Variants in SHQ1 observed in about 807,000 individuals in gnomAD.
SHQ1 encodes the protein protein SHQ1 homolog.
Under a neutral mutation model 53.8 loss-of-function variants are expected in SHQ1, and 49 were observed. The observed-to-expected ratio is 0.91, with a 90% CI of 0.72 to 1.16. SHQ1 has a LOEUF of 1.16. SHQ1 is among the 50% of genes most tolerant of loss of function. SHQ1 has a pLI of 0.00. For synonymous variants in SHQ1, 243 were observed against 251.0 expected (o/e 0.97, Z 0.30); for missense variants, 738 against 683.1 (o/e 1.08, Z -0.90).
Position 72,844,379 on chromosome 3 carries a change from C to T in SHQ1, c.188G>A (p.Gly63Glu), listed in dbSNP as rs1272787294. 1 of 1,613,526 alleles carries T rather than the reference C, an allele frequency of 6.2e-7. No homozygotes were observed. The highest frequency in any genetic ancestry group is 1.7e-5 in the Admixed American group (1 of 59,982). Residue 63 changes from glycine (G) to glutamate (E), a missense_variant, in exon 2 of 11, where the codon GGG becomes GAG. Physicochemically the swap from Gly to Glu is moderately conservative, Grantham distance 98. Transcript: ENST00000325599. Reference protein sequence around the residue: ...GRIVENGSEQGSYDADKGIFT... With the variant: ...GRIVENGSEQESYDADKGIFT... ...AATACCTTTATCTGCATCATAGGAC[C>T]CTTGCTCACTTCCATTTTCTACAAT... is the stretch of plus-strand genomic sequence containing the variant.
At chr3:72,746,183 C>G (rs1412835672), downstream of SHQ1, among the ~76,000 whole-genome samples, 2 of 152,114 alleles carry the variant, frequency 1.3e-5, no homozygotes, top group Non-Finnish European at 2.9e-5. Flanking sequence ...TTGGAGTCCC[C>G]CCCTCGTGAG....
chr3:72,748,832 G>C (rs1475117396), downstream of SHQ1, among the ~76,000 whole-genome samples: 1 of 152,126 alleles, frequency 6.6e-6, no homozygotes, highest in Non-Finnish European at 1.5e-5. Context: ...GCTGGGTGTG[G>C]TGGAGCAAGC....
intron 10 of SHQ1, chr3:72,753,256 C>G (rs1448702000): frequency 5.1e-6 from 5 of 985,242 alleles, no homozygotes; most frequent in Non-Finnish European, 6.0e-6. Context: ...GGCTTTGAGA[C>G]AAACTGGATG....
At chr3:72,781,162 C>A (rs955004538) in intron 10 of SHQ1, among the ~76,000 whole-genome samples, 2 of 151,296 alleles carry the variant, frequency 1.3e-5, no homozygotes, top group African/African-American at 2.4e-5. Context: ...CAGGTTCCAG[C>A]GATTCTCGTG....
intron 9 of SHQ1, among the ~76,000 whole-genome samples, chr3:72,802,290 T>A (rs76973946): frequency 0.13 from 19,373 of 152,210 alleles, 3,835 homozygotes; most frequent in African/African-American, 0.43. Context: ...TCCCCAGACT[T>A]CCTTGGGTCT....
At chr3:72,808,595 G>A (rs1185550664) in intron 9 of SHQ1, among the ~76,000 whole-genome samples, 2 of 152,130 alleles carry the variant, frequency 1.3e-5, no homozygotes, top group Non-Finnish European at 2.9e-5. Flanking sequence ...CTAAAGAACT[G>A]AACCTAGCGC....
intron 10 of SHQ1, among the ~76,000 whole-genome samples, chr3:72,788,236 T>G (rs557173175): frequency 2.6e-5 from 4 of 151,246 alleles, no homozygotes; most frequent in African/African-American, 9.7e-5. Context: ...GAGGAGTGTC[T>G]CTGTCTGGCC....
At chr3:72,747,387 G>C (rs533160226), downstream of SHQ1, among the ~76,000 whole-genome samples, 1 of 152,164 alleles carries the variant, frequency 6.6e-6, no homozygotes, top group Non-Finnish European at 1.5e-5. Flanking sequence ...AACCAAAGCA[G>C]AAAAATGGGA....
intron 10 of SHQ1, among the ~76,000 whole-genome samples, chr3:72,789,081 T>TAAAAAAAA (rs1205170855): frequency 3.2e-5 from 2 of 61,690 alleles, no homozygotes; most frequent in Admixed American, 1.5e-4. Flanking sequence ...CAATAAACAC[T>TAAAAAAAA]AAAAAAAAAA....
intron 10 of SHQ1, among the ~76,000 whole-genome samples, chr3:72,768,023 C>A (rs1437490800): frequency 1.3e-5 from 2 of 152,110 alleles, no homozygotes; most frequent in Non-Finnish European, 2.9e-5. Context: ...TCCACTGAGA[C>A]AAATCCAGCC....
the SHQ1 span, among the ~76,000 whole-genome samples, chr3:72,734,700 G>A: frequency 1.3e-5 from 2 of 151,684 alleles, 1 homozygote; most frequent in African/African-American, 4.9e-5. Context: ...CAGACCTATA[G>A]AAGAAAAACA....
In SHQ1 at chr3:72,842,285, T is replaced by C; in HGVS notation, c.326A>G (p.Glu109Gly). 6.2e-7 allele frequency: 1 copy of C among 1,613,456 alleles called. No individual in the cohort carries two copies. The highest frequency in any genetic ancestry group is 8.5e-7 in the Non-Finnish European group (1 of 1,179,568). The change falls in exon 3 of 11, where the codon GAA (glutamate) becomes GGA (glycine). Residue 109 changes from glutamate (E) to glycine (G), a missense_variant. Glu to Gly is a moderately conservative substitution (Grantham distance 98). Coordinates refer to ENST00000325599, the MANE Select transcript of SHQ1 (RefSeq NM_018130.3). The stretch of plus-strand genomic sequence containing the variant: ...CCCAACTGTAATAAACATACCTATT[T>C]CTTCCACAAGTGGTTTTGCTGTCCT... ...KSRTAKPLVE[E>G]IGASEIPEEV... is the part of the protein sequence containing the mutation.
intron 7 of SHQ1, among the ~76,000 whole-genome samples, chr3:72,815,843 T>C (rs1707295673): frequency 6.6e-6 from 1 of 152,226 alleles, no homozygotes; most frequent in South Asian, 2.1e-4. Flanking sequence ...CAGAGAATGC[T>C]GGTGAGAATA....
At chr3:72,789,080 CTAAAAAAAAAAAAAAA>C (rs1175782665) in intron 10 of SHQ1, among the ~76,000 whole-genome samples, 1 of 109,962 alleles carries the variant, frequency 9.1e-6, no homozygotes, top group Non-Finnish European at 1.9e-5. Flanking sequence ...TCAATAAACA[CTAAAAAAAAAAAAAAA>C]AAGAAAAATA....
At chr3:72,838,724 C>T (rs1223508260) in intron 4 of SHQ1, among the ~76,000 whole-genome samples, 1 of 152,166 alleles carries the variant, frequency 6.6e-6, no homozygotes, top group African/African-American at 2.4e-5. Flanking sequence ...TGGTCTCAAA[C>T]TCCTGACCCG....
At chr3:72,830,305 T>G (rs1231202585) in intron 5 of SHQ1, among the ~76,000 whole-genome samples, 1 of 151,986 alleles carries the variant, frequency 6.6e-6, no homozygotes, top group East Asian at 1.9e-4. Context: ...CCTGACAACA[T>G]GAGGAAACAC....
At chr3:72,791,752 A>G (rs1706445530) in intron 10 of SHQ1, among the ~76,000 whole-genome samples, 1 of 151,694 alleles carries the variant, frequency 6.6e-6, no homozygotes, top group South Asian at 2.1e-4. Context: ...GGGTCTCACT[A>G]TGTTGCCCAG....
chr3:72,838,287 T>G (rs895237138), intron 4 of SHQ1, among the ~76,000 whole-genome samples: 3 of 152,264 alleles, frequency 2.0e-5, no homozygotes, highest in Non-Finnish European at 2.9e-5. Context: ...GTTATAAACC[T>G]GTACTACAAG....
At chr3:72,841,393 A>G (rs1708176047) in intron 3 of SHQ1, among the ~76,000 whole-genome samples, 194 bp from the exon 4 acceptor site, 1 of 152,206 alleles carries the variant, frequency 6.6e-6, no homozygotes, top group South Asian at 2.1e-4. Flanking sequence ...TGTTCATACA[A>G]TGGAATATTA....
Sources: gnomAD v4.1 joint callset for allele counts (sites outside exome capture counted in the v4.1 genomes callset) on GRCh38, gnomAD v4.1.1 for gene constraint, MANE v1.5 for transcripts, NCBI Gene and HGNC (gene_info 2026-07-23, HGNC 2026-07-21) for gene names.